Variants in CAPZB observed in about 807,000 individuals in gnomAD.
CAPZB encodes the protein capping actin protein of muscle Z-line subunit beta, also known as F-actin-capping protein subunit beta.
A neutral mutation model predicts 38.1 loss-of-function variants in CAPZB; 2 were observed. That is an observed-to-expected ratio of 0.05 (90% CI 0.02 to 0.17). The LOEUF is 0.17. Among genes scored for constraint, CAPZB ranks in the 10% least tolerant of loss-of-function variants. The probability of loss-of-function intolerance (pLI) is 1.00; values close to 1 mark genes in which losing one functional copy is unlikely to be tolerated. For synonymous variants in CAPZB, 107 were observed against 127.4 expected (o/e 0.84, Z 1.08); for missense variants, 161 against 334.2 (o/e 0.48, Z 4.04).
chr1:19,363,007 T>C (rs143480876), intron 4 of CAPZB, among the ~76,000 whole-genome samples: 3 of 152,334 alleles, frequency 2.0e-5, no homozygotes, highest in Non-Finnish European at 4.4e-5. Flanking sequence ...ACTGAAGAGC[T>C]AACTCTTTCA....
intron 3 of CAPZB, 24 bp downstream of exon 3, chr1:19,385,481 T>G: frequency 6.2e-7 from 1 of 1,611,622 alleles, no homozygotes; most frequent in East Asian, 2.2e-5. Context: ...CTGTGCCTGC[T>G]GCATCCCCGG....
rs988507313 is a variant in CAPZB, at chr1:19,344,244, C to A, written c.731+114G>T. 3.8e-6 allele frequency: 3 copies of A among 794,164 alleles called. No individual in the cohort carries two copies. In the Admixed American group the frequency reaches 6.0e-5, roughly 16 times the overall value. 49.2% of individuals were successfully genotyped at this position (794,164 alleles called of 1,614,324 possible). On this transcript the variant is annotated intron_variant, in intron 8 of 8. Coordinates refer to ENST00000264202, the MANE Select transcript of CAPZB (RefSeq NM_004930.5). ...TAATGATCATCCCAGAAGAGGGGCA[C>A]TGCAGCCTACCAATGAGGACACCGA...
At chr1:19,471,252 A>G (rs920118029) in intron 1 of CAPZB, among the ~76,000 whole-genome samples, 2 of 152,178 alleles carry the variant, frequency 1.3e-5, no homozygotes, top group African/African-American at 4.8e-5. Context: ...CTATGGAAAA[A>G]GGGGGGATGA....
intron 4 of CAPZB, among the ~76,000 whole-genome samples, chr1:19,373,741 G>C (rs2094131207): frequency 1.3e-5 from 2 of 151,616 alleles, no homozygotes; most frequent in Non-Finnish European, 2.9e-5. Flanking sequence ...CCCAGGCTGA[G>C]TGTATGATGG....
At position 19,359,761 on chromosome 1, in the gene CAPZB, C is replaced by T. The variant is rs770491541; in HGVS notation, c.330-2198G>A. On this transcript the variant is annotated intron_variant, in intron 4 of 8. Transcript: ENST00000264202. Reference sequence around the variant, plus strand: ...GGTGCAGCACAGGCATCCTTTCCTACGAGAGGAAAAGGACCACTGGATGAA... The same window carrying T: ...GGTGCAGCACAGGCATCCTTTCCTATGAGAGGAAAAGGACCACTGGATGAA... 3.9e-5 allele frequency among the ~76,000 whole-genome samples: 6 copies of T among 152,270 alleles called. No homozygotes were observed. The South Asian group carries it at 8.3e-4, about 21-fold the overall frequency.
At chr1:19,383,090 G>T (rs1309456890) in intron 3 of CAPZB, among the ~76,000 whole-genome samples, 1 of 145,708 alleles carries the variant, frequency 6.9e-6, no homozygotes, top group African/African-American at 2.6e-5. Flanking sequence ...GCCAGCCTGG[G>T]CAACAAAATG....
Position 19,344,433 on chromosome 1 carries a change from T to G in CAPZB, c.656A>C (p.Asp219Ala). The G allele has an allele frequency of 6.2e-7, 1 of 1,613,738 alleles. No individual in the cohort carries two copies. Among genetic ancestry groups the G allele is most frequent in the Non-Finnish European group, 8.5e-7 (1 of 1,179,586 alleles). Residue 219 changes from aspartate (D) to alanine (A), a missense_variant and splice_region_variant, in exon 8 of 9, where the codon GAC becomes GCC. Coordinates refer to ENST00000264202, the MANE Select transcript of CAPZB (RefSeq NM_004930.5). ...HIANIGRLVE[D>A]MENKIRSTLN... is the part of the protein sequence containing the mutation. ...CGTACTTCTGATTTTATTTTCCATGTCCTGGAAGGGAGGTCGGTCAGCGCA... is the reference window on the plus strand; with the variant it reads ...CGTACTTCTGATTTTATTTTCCATGGCCTGGAAGGGAGGTCGGTCAGCGCA...
Position 19,339,873 on chromosome 1 carries a change from C to T in CAPZB, c.732-256G>A, listed in dbSNP as rs76208129. 3.9e-5 allele frequency among the ~76,000 whole-genome samples: 6 copies of T among 152,354 alleles called. No homozygotes were observed. The East Asian group carries it at 1.2e-3, about 29-fold the overall frequency. ...GGCTTACATGGACAGGTGCTCATCTCTGCCCCTGGCCACCGGTGACCCGGC... is the reference window on the plus strand; with the variant it reads ...GGCTTACATGGACAGGTGCTCATCTTTGCCCCTGGCCACCGGTGACCCGGC... On this transcript the variant is annotated intron_variant, in intron 8 of 8. Transcript: ENST00000264202.
Position 19,357,699 on chromosome 1 carries a change from T to A in CAPZB, c.330-136A>T. On this transcript the variant is annotated intron_variant, in intron 4 of 8. Coordinates refer to ENST00000264202, the MANE Select transcript of CAPZB (RefSeq NM_004930.5). The surrounding 1 kb of genome is among the most constrained non-coding windows in gnomAD (Gnocchi z 4.3). The stretch of plus-strand genomic sequence containing the variant: ...AGTTATGGGAGCCGATCCTTGGGTG[T>A]GTTCTGATCGTTCTGTGGCTGGGGG... 1 of 766,036 alleles carries A rather than the reference T, an allele frequency of 1.3e-6. No individual in the cohort carries two copies. The highest frequency in any genetic ancestry group is 2.1e-6 in the Non-Finnish European group (1 of 473,672). The allele number at this position is 766,036 out of a possible 1,614,324, so 47.5% of individuals were successfully genotyped here.
chr1:19,383,861 T>G (rs1364836166), intron 3 of CAPZB, among the ~76,000 whole-genome samples: 1 of 152,060 alleles, frequency 6.6e-6, no homozygotes, highest in Admixed American at 6.6e-5. Flanking sequence ...GTAATCACCC[T>G]TCACACCCCA....
chr1:19,353,006 G>A (rs61766686), intron 6 of CAPZB, among the ~76,000 whole-genome samples: 6,073 of 152,354 alleles, frequency 0.04, 148 homozygotes, highest in African/African-American at 0.053. Flanking sequence ...CCTGCGAGGT[G>A]CCAGCAAGCC....
chr1:19,483,606 T>C (rs760208342), intron 1 of CAPZB, among the ~76,000 whole-genome samples: 3 of 152,208 alleles, frequency 2.0e-5, no homozygotes, highest in Non-Finnish European at 4.4e-5. Flanking sequence ...ACTGAGGCAC[T>C]TTCCCATCAC....
At chr1:19,440,650 T>C (rs1570275322) in intron 1 of CAPZB, among the ~76,000 whole-genome samples, 1 of 152,138 alleles carries the variant, frequency 6.6e-6, no homozygotes, top group African/African-American at 2.4e-5. Flanking sequence ...TGAGGTCCCC[T>C]GGGCAGAGTG....
chr1:19,404,548 A>G (rs1247980787), intron 2 of CAPZB, among the ~76,000 whole-genome samples: 2 of 58,252 alleles, frequency 3.4e-5, no homozygotes, highest in Admixed American at 4.6e-4. Flanking sequence ...CATGTTAAAA[A>G]AAAAAAAAAA....
chr1:19,418,136 CAAAAAAAAAAAAAA>C (rs59390448), intron 2 of CAPZB, among the ~76,000 whole-genome samples: 17 of 35,332 alleles, frequency 4.8e-4, no homozygotes, highest in Non-Finnish European at 6.7e-4. Context: ...ACTCTGTCAC[CAAAAAAAAAAAAAA>C]AAAAAAAAAA....
At chr1:19,343,557 T>A (rs527275991) in intron 8 of CAPZB, among the ~76,000 whole-genome samples, 1 of 152,168 alleles carries the variant, frequency 6.6e-6, no homozygotes, top group African/African-American at 2.4e-5. Context: ...CTGCGAGGAG[T>A]GCCAGAGGCC....
intron 2 of CAPZB, among the ~76,000 whole-genome samples, chr1:19,405,950 T>C (rs2094329735): frequency 6.6e-6 from 1 of 152,140 alleles, no homozygotes; most frequent in South Asian, 2.1e-4. Flanking sequence ...CCTCTAGAAT[T>C]TGGTTGGCAG....
chr1:19,382,163 G>A (rs945176664), intron 3 of CAPZB, among the ~76,000 whole-genome samples: 2 of 152,152 alleles, frequency 1.3e-5, no homozygotes, highest in Admixed American at 6.5e-5. Flanking sequence ...CAGACTGGGG[G>A]CCTGCAATTT....
chr1:19,405,713 C>T (rs765841240), intron 2 of CAPZB, among the ~76,000 whole-genome samples: 1 of 152,150 alleles, frequency 6.6e-6, no homozygotes, highest in Admixed American at 6.5e-5. Flanking sequence ...GATTAACGAT[C>T]ATTAAATCTC....
Sources: allele counts gnomAD v4.1 joint callset (sites outside exome capture counted in the v4.1 genomes callset), GRCh38; gene constraint gnomAD v4.1.1; non-coding constraint Gnocchi (gnomAD v3.1); transcripts MANE v1.5; gene names NCBI Gene and HGNC (gene_info 2026-07-23, HGNC 2026-07-21).